ZNF717: variants seen among roughly 807,000 people sequenced by gnomAD.
ZNF717 encodes zinc finger protein 717.
ZNF717 carries 9 observed loss-of-function variants against 13.8 expected under a neutral mutation model. The observed-to-expected ratio is 0.65, with a 90% CI of 0.39 to 1.14. ZNF717 has a LOEUF of 1.14. Ranked by LOEUF, ZNF717 falls within the 50% of genes most tolerant of loss-of-function variation. The pLI is 0.01. For missense variants in ZNF717, 1,040 were observed against 1,080.7 expected (o/e 0.96, Z 0.53); for synonymous variants, 327 against 364.1 (o/e 0.90, Z 1.16).
chr3:75,773,796 T>A (rs905240335), intron 2 of ZNF717, among the ~76,000 whole-genome samples: 73 of 152,206 alleles, frequency 4.8e-4, no homozygotes, highest in African/African-American at 1.7e-3. Flanking sequence ...ACACCTGTAA[T>A]CCCAACACTT....
intron 5 of ZNF717, among the ~76,000 whole-genome samples, chr3:75,711,753 A>G (rs1424597969): frequency 1.6e-4 from 25 of 152,366 alleles, no homozygotes; most frequent in African/African-American, 5.8e-4. Context: ...CCCTGTCTCA[A>G]AAAATTTATT....
chr3:75,760,610 T>C (rs993108203), intron 2 of ZNF717, among the ~76,000 whole-genome samples: 195 of 152,170 alleles, frequency 1.3e-3, no homozygotes, highest in Non-Finnish European at 2.5e-3. Flanking sequence ...AAACCCATGC[T>C]AAAGGGAAGC....
In ZNF717 at chr3:75,736,260, C is replaced by T. The variant is rs1575750374; in HGVS notation, c.*618G>A. The T allele has an allele frequency of 1.3e-5, 2 of 152,542 alleles. No homozygotes were observed. Among genetic ancestry groups the T allele is most frequent in the African/African-American group, 2.4e-5 (1 of 41,450 alleles). The allele number at this position is 152,542 out of a possible 1,614,324, so 9.4% of individuals were successfully genotyped here. The stretch of plus-strand genomic sequence containing the variant: ...AGGCCACTTCACTCTGCAGTGGCCA[C>T]CATGTGTTCAATTGAAAAGAAGTGT... On this transcript the variant is annotated 3_prime_UTR_variant, in exon 5 of 5. Coordinates refer to ENST00000652011, the MANE Select transcript of ZNF717 (RefSeq NM_001290208.3).
At chr3:75,755,804 AAG>A (rs550198439) in intron 2 of ZNF717, among the ~76,000 whole-genome samples, 253 of 152,390 alleles carry the variant, frequency 1.7e-3, no homozygotes, top group African/African-American at 5.2e-3. Flanking sequence ...AGGGCAGAAA[AAG>A]AGTGGTAGAC....
intron 2 of ZNF717, among the ~76,000 whole-genome samples, chr3:75,767,957 T>G (rs1056395487): frequency 6.7e-6 from 1 of 149,102 alleles, no homozygotes; most frequent in East Asian, 2.0e-4. Flanking sequence ...GCAGAGAAAG[T>G]TGGTCAACGG....
At chr3:75,765,422 C>CT (rs1943386283) in intron 2 of ZNF717, among the ~76,000 whole-genome samples, 1 of 152,096 alleles carries the variant, frequency 6.6e-6, no homozygotes, top group African/African-American at 2.4e-5. Flanking sequence ...AAAAAATGAT[C>CT]TTTTTTGATA....
intron 5 of ZNF717, among the ~76,000 whole-genome samples, chr3:75,730,776 G>A (rs1222437705): frequency 6.6e-6 from 1 of 152,148 alleles, no homozygotes; most frequent in Non-Finnish European, 1.5e-5. Flanking sequence ...AAACCAAGAA[G>A]GAACTTTCTG....
downstream of ZNF717, among the ~76,000 whole-genome samples, chr3:75,727,738 G>C (rs1938316964): frequency 6.6e-6 from 1 of 152,198 alleles, no homozygotes; most frequent in Non-Finnish European, 1.5e-5. Flanking sequence ...CTCATCAGTG[G>C]TTCTAATTTT....
At chr3:75,776,639 T>G (rs898420036) in intron 2 of ZNF717, among the ~76,000 whole-genome samples, 80 of 152,264 alleles carry the variant, frequency 5.3e-4, no homozygotes, top group African/African-American at 1.9e-3. Context: ...AACCATAAAC[T>G]TTGGGTTCAT....
chr3:75,775,347 C>A (rs1415054189), intron 2 of ZNF717, among the ~76,000 whole-genome samples: 1 of 152,214 alleles, frequency 6.6e-6, no homozygotes, highest in African/African-American at 2.4e-5. Context: ...TATTTAAAGT[C>A]ATTTCCACAG....
intron 2 of ZNF717, among the ~76,000 whole-genome samples, chr3:75,751,192 G>A (rs1177012636): frequency 6.6e-6 from 1 of 152,084 alleles, no homozygotes; most frequent in Non-Finnish European, 1.5e-5. Flanking sequence ...AAGGATTCCA[G>A]AGCACTGCTA....
At chr3:75,723,159 G>A (rs1575723244) in intron 4 of ZNF717, among the ~76,000 whole-genome samples, 3 of 151,736 alleles carry the variant, frequency 2.0e-5, no homozygotes, top group Admixed American at 1.3e-4. Context: ...GTTCAAGAAC[G>A]CAGATACGTT....
rs1237072253 is a variant in ZNF717, at chr3:75,736,075, C to T, written c.*803G>A. On this transcript the variant is annotated 3_prime_UTR_variant, in exon 5 of 5. Transcript: ENST00000652011. ...TGTTATGATCTGTGATCAGTGATTT[C>T]TGATGTTACTAATGGAATTGTCTCA... is the stretch of plus-strand genomic sequence containing the variant. The T allele has an allele frequency of 7.2e-5, 11 of 152,210 alleles. No homozygotes were observed. The highest frequency in any genetic ancestry group is 2.7e-4 in the African/African-American group (11 of 41,450). The allele number at this position is 152,210 out of a possible 1,614,324, so 9.4% of individuals were successfully genotyped here.
At chr3:75,714,346 C>G (rs1450853021) in intron 5 of ZNF717, among the ~76,000 whole-genome samples, 1 of 152,062 alleles carries the variant, frequency 6.6e-6, no homozygotes, top group Non-Finnish European at 1.5e-5. Flanking sequence ...GCTGGCGTTA[C>G]TGCTAGACCA....
chr3:75,754,959 C>T (rs1046373371), intron 2 of ZNF717, among the ~76,000 whole-genome samples: 1 of 152,062 alleles, frequency 6.6e-6, no homozygotes, highest in African/African-American at 2.4e-5. Context: ...GGGCAGAAAA[C>T]ACCTTACCTA....
At chr3:75,729,024 T>C (rs2918494), downstream of ZNF717, among the ~76,000 whole-genome samples, 16 of 104,330 alleles carry the variant, frequency 1.5e-4, no homozygotes, top group Non-Finnish European at 2.4e-4. Context: ...CAATCAGATA[T>C]GCATTTGTGT....
chr3:75,720,273 G>T (rs1467894893), intron 4 of ZNF717, among the ~76,000 whole-genome samples: 1 of 152,020 alleles, frequency 6.6e-6, no homozygotes, highest in Non-Finnish European at 1.5e-5. Flanking sequence ...AAGAAAATGT[G>T]GCATATGTAC....
At chr3:75,768,603 AG>A (rs1380245104) in intron 2 of ZNF717, among the ~76,000 whole-genome samples, 1 of 74,564 alleles carries the variant, frequency 1.3e-5, no homozygotes, top group Non-Finnish European at 2.5e-5. Flanking sequence ...TGAGTGTGGG[AG>A]GGGGGTAGAT....
At chr3:75,696,892 C>CAAAAAAAAA (rs142213799) in intron 6 of ZNF717, among the ~76,000 whole-genome samples, 1 of 61,452 alleles carries the variant, frequency 1.6e-5, no homozygotes, top group African/African-American at 7.5e-5. Flanking sequence ...GACTTCATCT[C>CAAAAAAAAA]AAAAAAAAAA....
Sources: gnomAD v4.1 joint callset for allele counts (sites outside exome capture counted in the v4.1 genomes callset) on GRCh38, gnomAD v4.1.1 for gene constraint, MANE v1.5 for transcripts, NCBI Gene and HGNC (gene_info 2026-07-23, HGNC 2026-07-21) for gene names.